Variants in CNGA1 observed in about 807,000 individuals in gnomAD.
The protein encoded by CNGA1 is cyclic nucleotide gated channel subunit alpha 1, also known as cyclic nucleotide-gated channel alpha-1.
Under a neutral mutation model 69.7 loss-of-function variants are expected in CNGA1, and 53 were observed. The ratio of observed to expected loss-of-function variants is 0.76; its 90% CI spans 0.61 to 0.96. CNGA1 has a LOEUF of 0.96. CNGA1 is among the 40% of genes least tolerant of loss of function. The pLI, the probability that CNGA1 is intolerant of heterozygous loss-of-function variation, is 0.00. For missense variants in CNGA1, 739 were observed against 811.2 expected (o/e 0.91, Z 1.08); for synonymous variants, 249 against 283.5 (o/e 0.88, Z 1.22).
rs760868392 is a variant in CNGA1 at position 47,937,678 on chromosome 4, T to G, written c.804A>C (p.Leu268Phe). ...KLGWNYPEIR[L>F]NRLLRFSRMF... The stretch of plus-strand genomic sequence containing the variant: ...TACGAGAGAACCGTAACAACCTGTT[T>G]AATCTAATTTCTGGATAGTTCCACC... The change falls in exon 11 of 11, where the codon TTA becomes TTC. Residue 268 changes from leucine (L) to phenylalanine (F), a missense_variant. Transcript: ENST00000514170. 4.3e-6 allele frequency: 7 copies of G among 1,614,054 alleles called. No homozygotes were observed. In the African/African-American group the frequency reaches 9.3e-5, roughly 22 times the overall value.
Position 47,940,881 on chromosome 4 carries a change from G to A in CNGA1, c.546-12C>T. 6.5e-7 allele frequency: 1 copy of A among 1,535,538 alleles called. No individual in the cohort carries two copies. The highest frequency in any genetic ancestry group is 9.0e-7 in the Non-Finnish European group (1 of 1,112,584). Reference sequence around the variant, plus strand: ...CATCAAAACATGCTCTATAAAAAAAGAAACACTTGTATAAATAAAAAAGAA... The same window carrying A: ...CATCAAAACATGCTCTATAAAAAAAAAAACACTTGTATAAATAAAAAAGAA... On this transcript the variant is annotated splice_polypyrimidine_tract_variant and intron_variant, in intron 9 of 10. Transcript: ENST00000514170.
chr4:47,937,693 A>G lies in CNGA1; in HGVS notation c.789T>C (p.Tyr263=), dbSNP rs1218528935. The G allele has an allele frequency of 1.2e-6, 2 of 1,614,040 alleles. No homozygotes were observed. Among genetic ancestry groups the G allele is most frequent in the Non-Finnish European group, 1.7e-6 (2 of 1,180,028 alleles). ...ACAACCTGTTTAATCTAATTTCTGG[A>G]TAGTTCCACCCTAACTTAAAATACA... The part of the protein sequence containing the change: ...DLLYFKLGWN[Y]PEIRLNRLLR... The change falls in exon 11 of 11, where the codon TAT becomes TAC. Residue 263 remains tyrosine, a synonymous_variant. Transcript: ENST00000514170.
intron 3 of CNGA1, among the ~76,000 whole-genome samples, chr4:47,953,384 C>T (rs1739862221): frequency 6.6e-6 from 1 of 152,124 alleles, no homozygotes; most frequent in Admixed American, 6.5e-5. Flanking sequence ...ACCTCGCATA[C>T]CCATCAAGCA....
chr4:48,016,467 C>G lies in CNGA1; in HGVS notation c.-223+16G>C, dbSNP rs1715386436. On this transcript the variant is annotated intron_variant, in intron 1 of 10. Coordinates refer to ENST00000514170, the MANE Select transcript of CNGA1 (RefSeq NM_001379270.1). The stretch of plus-strand genomic sequence containing the variant: ...GCCTCAGTGCAGCCTCCACTCCACT[C>G]AATTCCCGGAGTTACCTTGGCGGGC... 3.3e-6 allele frequency: 1 copy of G among 303,544 alleles called. No individual in the cohort carries two copies. The highest frequency in any genetic ancestry group is 2.2e-5 in the African/African-American group (1 of 44,654). 18.8% of individuals were successfully genotyped at this position (303,544 alleles called of 1,614,324 possible). A position where few individuals can be genotyped will look rare whatever the true frequency, so the allele number is the denominator to read the frequency against.
At chr4:48,004,949 C>A (rs968741591) in intron 2 of CNGA1, among the ~76,000 whole-genome samples, 2 of 152,032 alleles carry the variant, frequency 1.3e-5, no homozygotes, top group Non-Finnish European at 2.9e-5. Context: ...AAAATTAGAA[C>A]TCAGTCCAAA....
chr4:48,000,997 C>G (rs1437443035), intron 2 of CNGA1, among the ~76,000 whole-genome samples: 2 of 152,062 alleles, frequency 1.3e-5, no homozygotes, highest in Non-Finnish European at 2.9e-5. Context: ...TTGAATCTAA[C>G]CACATCAATT....
intron 3 of CNGA1, among the ~76,000 whole-genome samples, chr4:47,954,003 C>CA (rs1553930978): frequency 1.3e-5 from 2 of 152,126 alleles, no homozygotes; most frequent in Non-Finnish European, 2.9e-5. Context: ...ACGTCCCCCC[C>CA]ATCCTGTGCC....
At chr4:47,973,219 C>A (rs1741141389) in intron 3 of CNGA1, among the ~76,000 whole-genome samples, 1 of 151,536 alleles carries the variant, frequency 6.6e-6, no homozygotes, top group African/African-American at 2.4e-5. Flanking sequence ...AGGCACCCAC[C>A]ATCATGGCCA....
intron 1 of CNGA1, among the ~76,000 whole-genome samples, chr4:48,012,086 G>C (rs904605015): frequency 2.6e-5 from 4 of 152,140 alleles, no homozygotes; most frequent in African/African-American, 9.7e-5. Flanking sequence ...ACATGTTTTA[G>C]GGTAAAATAA....
intron 2 of CNGA1, among the ~76,000 whole-genome samples, chr4:47,992,523 C>A (rs182208390): frequency 6.6e-6 from 1 of 151,964 alleles, no homozygotes; most frequent in East Asian, 1.9e-4. Flanking sequence ...ATTTTGTATC[C>A]GGCAATTTTG....
At chr4:47,939,894 C>T (rs904678409) in intron 10 of CNGA1, among the ~76,000 whole-genome samples, 3 of 152,184 alleles carry the variant, frequency 2.0e-5, no homozygotes, top group Non-Finnish European at 2.9e-5. Context: ...CCAGCCCTAT[C>T]GTGGACGCTT....
At chr4:47,964,068 A>G (rs1205804183) in intron 3 of CNGA1, among the ~76,000 whole-genome samples, 1 of 152,152 alleles carries the variant, frequency 6.6e-6, no homozygotes, top group Non-Finnish European at 1.5e-5. Context: ...AATTAAAGTA[A>G]TTTTTACTGA....
At chr4:47,976,814 G>A (rs1377416689) in intron 3 of CNGA1, among the ~76,000 whole-genome samples, 1 of 152,116 alleles carries the variant, frequency 6.6e-6, no homozygotes, top group Non-Finnish European at 1.5e-5. Context: ...AAGTGAGAAA[G>A]AAAAGAAAAT....
In CNGA1 at chr4:47,951,429, C is replaced by A. The variant is rs2110157889; in HGVS notation, c.148G>T (p.Glu50Ter). 9 of 1,613,742 alleles carry A rather than the reference C, an allele frequency of 5.6e-6. No individual in the cohort carries two copies. Among genetic ancestry groups the A allele is most frequent in the Non-Finnish European group, 7.6e-6 (9 of 1,179,714 alleles). The change falls in exon 5 of 11, where the codon GAA becomes TAA. Residue 50 changes from glutamate (E) to a stop codon, truncating the protein, a stop_gained. Transcript: ENST00000514170. LOFTEE classifies it high-confidence loss of function. ...GCATGAGGGTTTTCATTCTCTGATT[C>A]TTCAGATGTAGAGGCACTGTCATCA... ...EDDDSASTSE[E>*]SENENPHARG...
chr4:47,971,272 G>C (rs1476576776), intron 3 of CNGA1, among the ~76,000 whole-genome samples: 1 of 151,872 alleles, frequency 6.6e-6, no homozygotes, highest in African/African-American at 2.4e-5. Context: ...TTGCCTCTGA[G>C]GAAGGGGAAG....
At chr4:47,971,631 C>G (rs1741045773) in intron 3 of CNGA1, among the ~76,000 whole-genome samples, 1 of 152,168 alleles carries the variant, frequency 6.6e-6, no homozygotes, top group African/African-American at 2.4e-5. Context: ...GTGGCTCACG[C>G]TTGCAATCCC....
intron 6 of CNGA1, among the ~76,000 whole-genome samples, chr4:47,949,507 T>C (rs951399292): frequency 1.3e-5 from 2 of 152,192 alleles, no homozygotes; most frequent in Non-Finnish European, 2.9e-5. Flanking sequence ...TCTCAGAAAC[T>C]GTCTCCTGAG....
intron 2 of CNGA1, among the ~76,000 whole-genome samples, chr4:48,004,885 G>T: frequency 6.6e-6 from 1 of 151,168 alleles, no homozygotes; most frequent in African/African-American, 2.4e-5. Context: ...GTGGGGGTGG[G>T]GGTAAAGAAG....
Position 47,943,184 on chromosome 4 carries a change from T to C in CNGA1, c.434A>G (p.Glu145Gly), listed in dbSNP as rs1043046270. 4 of 1,598,058 alleles carry C rather than the reference T, an allele frequency of 2.5e-6. No individual in the cohort carries two copies. The highest frequency in any genetic ancestry group is 3.4e-6 in the Non-Finnish European group (4 of 1,168,106). Residue 145 changes from glutamate (E) to glycine (G), a missense_variant, in exon 8 of 11, where the codon GAA (glutamate) becomes GGA (glycine). Transcript: ENST00000514170. ...CAATGCCACTAAAAGTGCTTACTCTTCTTTCTTATCTTTGCTTTTCTCCTC... is the reference window on the plus strand; with the variant it reads ...CAATGCCACTAAAAGTGCTTACTCTCCTTTCTTATCTTTGCTTTTCTCCTC... ...KKEEKSKDKK[E>G]EEKKEVVVID...
Sources: allele counts gnomAD v4.1 joint callset (sites outside exome capture counted in the v4.1 genomes callset), GRCh38; gene constraint gnomAD v4.1.1; transcripts MANE v1.5; gene names NCBI Gene and HGNC (gene_info 2026-07-23, HGNC 2026-07-21).